Variants in TRPC4 observed in about 807,000 individuals in gnomAD.
The protein encoded by TRPC4 is transient receptor potential cation channel subfamily C member 4.
Under a neutral mutation model 99.4 loss-of-function variants are expected in TRPC4, and 49 were observed. The observed-to-expected ratio is 0.49, with a 90% CI of 0.39 to 0.63. The LOEUF (loss-of-function observed/expected upper bound fraction) is 0.63, where lower values mean the gene tolerates loss of function less well. TRPC4 is among the 20% of genes least tolerant of loss of function. The probability of loss-of-function intolerance (pLI) is 0.00; values close to 1 mark genes in which losing one functional copy is unlikely to be tolerated. For missense variants in TRPC4, 898 were observed against 1,152.9 expected (o/e 0.78, Z 3.20); for synonymous variants, 454 against 425.9 (o/e 1.07, Z -0.81).
chr13:37,821,129 C>T (rs1268046135), intron 1 of TRPC4, among the ~76,000 whole-genome samples: 1 of 148,488 alleles, frequency 6.7e-6, no homozygotes, highest in East Asian at 2.1e-4. Context: ...AATAGCATTC[C>T]TATACACAAG....
At chr13:37,721,554 G>C (rs561933214) in intron 3 of TRPC4, among the ~76,000 whole-genome samples, 1 of 152,210 alleles carries the variant, frequency 6.6e-6, no homozygotes, top group African/African-American at 2.4e-5. Context: ...TTAGAATGAG[G>C]AGCCAATCAG....
chr13:37,836,048 A>G (rs1296257266), intron 1 of TRPC4, among the ~76,000 whole-genome samples: 1 of 152,076 alleles, frequency 6.6e-6, no homozygotes, highest in Non-Finnish European at 1.5e-5. Flanking sequence ...ATAAGTCTCA[A>G]GAGATCTGAT....
intron 7 of TRPC4, among the ~76,000 whole-genome samples, chr13:37,651,694 C>T (rs1368854476): frequency 6.6e-6 from 1 of 152,170 alleles, no homozygotes; most frequent in Admixed American, 6.5e-5. Context: ...GTGAAACAGA[C>T]ATCTAAAATA....
At chr13:37,863,841 A>G (rs1165843300) in intron 1 of TRPC4, among the ~76,000 whole-genome samples, 3 of 151,652 alleles carry the variant, frequency 2.0e-5, no homozygotes, top group Non-Finnish European at 4.4e-5. Flanking sequence ...ATGACAGACC[A>G]ATTCAATCAT....
At chr13:37,637,704 C>G in intron 10 of TRPC4, 79 bp from the exon 11 acceptor site, 1 of 1,382,592 alleles carries the variant, frequency 7.2e-7, no homozygotes, top group Non-Finnish European at 9.8e-7. Flanking sequence ...ATATATGGGT[C>G]AGAAATGTTT....
intron 1 of TRPC4, among the ~76,000 whole-genome samples, chr13:37,850,195 G>C (rs1013303815): frequency 2.6e-5 from 4 of 152,044 alleles, no homozygotes; most frequent in African/African-American, 9.7e-5. Flanking sequence ...TTTTATAATG[G>C]ACATGAAATA....
rs150693000 is a variant in TRPC4 at position 37,745,642 on chromosome 13, T to A, written c.897+295A>T. Among the ~76,000 whole-genome samples, 674 of 151,332 alleles carry A rather than the reference T, an allele frequency of 4.5e-3. 6 individuals carry two copies. Among genetic ancestry groups the A allele is most frequent in the African/African-American group, 0.016 (647 of 41,242 alleles). On this transcript the variant is annotated intron_variant, in intron 3 of 10. Transcript: ENST00000379705. ...TGACCCCCTAAAGTTACAAGACTTATAAATAGCAGAGCCAGAAATCTCAGT... is the reference window on the plus strand; with the variant it reads ...TGACCCCCTAAAGTTACAAGACTTAAAAATAGCAGAGCCAGAAATCTCAGT...
chr13:37,753,593 GAGAGAGAGAGAGAGAA>G (rs1415317975), intron 2 of TRPC4, among the ~76,000 whole-genome samples: 3 of 139,152 alleles, frequency 2.2e-5, no homozygotes, highest in South Asian at 2.5e-4. Flanking sequence ...GAGAGAGAGA[GAGAGAGAGAGAGAGAA>G]AGAAAGAAAG....
chr13:37,838,951 G>A (rs1227300658), intron 1 of TRPC4, among the ~76,000 whole-genome samples: 1 of 152,072 alleles, frequency 6.6e-6, no homozygotes, highest in African/African-American at 2.4e-5. Flanking sequence ...ATCTACCAAG[G>A]TGACACAGCT....
Position 37,783,299 on chromosome 13 carries a change from G to A in TRPC4, c.35C>T (p.Ala12Val), listed in dbSNP as rs1052114049. ...AQFYYKRNVNAPYRDRIPLRI... is the reference protein window; with the variant it reads ...AQFYYKRNVNVPYRDRIPLRI... ...TAGAGGGATGCGGTCTCTATAGGGA[G>A]CATTAACATTTCTTTTGTAATAGAA... Residue 12 changes from alanine (A) to valine (V), a missense_variant, in exon 2 of 11, where the codon GCT becomes GTT. By Grantham distance (64) the Ala-to-Val change is moderately conservative. Transcript: ENST00000379705. The A allele has an allele frequency of 1.3e-6, 2 of 1,587,230 alleles. No individual in the cohort carries two copies. The highest frequency in any genetic ancestry group is 1.7e-6 in the Non-Finnish European group (2 of 1,169,120).
At chr13:37,779,405 G>A (rs556358273) in intron 2 of TRPC4, among the ~76,000 whole-genome samples, 2 of 150,880 alleles carry the variant, frequency 1.3e-5, no homozygotes, top group African/African-American at 4.9e-5. Context: ...AAAGAAATAA[G>A]CTATTACTCT....
chr13:37,662,025 GA>G, intron 6 of TRPC4, among the ~76,000 whole-genome samples: 1 of 152,050 alleles, frequency 6.6e-6, no homozygotes, highest in African/African-American at 2.4e-5. Flanking sequence ...GAAGGAGCTG[GA>G]AGGCCGGCGA....
At chr13:37,783,502 T>A in intron 1 of TRPC4, 142 bp from the exon 2 acceptor site, 1 of 522,538 alleles carries the variant, frequency 1.9e-6, no homozygotes, top group Non-Finnish European at 3.0e-6. Flanking sequence ...TTTTTTTTTT[T>A]CTTCAACAAT....
chr13:37,654,755 C>T (rs540224923), intron 7 of TRPC4, among the ~76,000 whole-genome samples: 50 of 152,090 alleles, frequency 3.3e-4, no homozygotes, highest in Middle Eastern at 3.4e-3. Context: ...TTAAATGGAC[C>T]GACAGGAGGC....
At chr13:37,796,984 T>TAA (rs1173828244) in intron 1 of TRPC4, among the ~76,000 whole-genome samples, 1 of 148,542 alleles carries the variant, frequency 6.7e-6, no homozygotes, top group South Asian at 2.1e-4. Context: ...TAAAGTAAAG[T>TAA]AAAGTAAAGT....
In TRPC4 at chr13:37,668,073, T is replaced by C. The variant is rs1403888658; in HGVS notation, c.1375-4344A>G. ...ACCCCGACTGCAGATGCATGGACAT[T>C]AGGATCCTGCTGATCAGAGCTGACA... On this transcript the variant is annotated intron_variant, in intron 5 of 10. Coordinates refer to ENST00000379705, the MANE Select transcript of TRPC4 (RefSeq NM_016179.4). 2.6e-5 allele frequency among the ~76,000 whole-genome samples: 4 copies of C among 152,188 alleles called. 1 individual carries two copies. The highest frequency in any genetic ancestry group is 2.6e-4 in the Admixed American group (4 of 15,282).
intron 5 of TRPC4, among the ~76,000 whole-genome samples, chr13:37,665,966 C>T (rs981406332): frequency 6.6e-6 from 1 of 151,376 alleles, no homozygotes; most frequent in Non-Finnish European, 1.5e-5. Flanking sequence ...GGAAAAAATG[C>T]TGCATGAATA....
chr13:37,759,464 C>A (rs747697302), intron 2 of TRPC4, among the ~76,000 whole-genome samples: 4 of 151,688 alleles, frequency 2.6e-5, no homozygotes, highest in East Asian at 1.9e-4. Flanking sequence ...AAAAAATAAG[C>A]TACTAAACTA....
At chr13:37,843,260 C>T (rs1332676546) in intron 1 of TRPC4, among the ~76,000 whole-genome samples, 1 of 152,174 alleles carries the variant, frequency 6.6e-6, no homozygotes, top group Admixed American at 6.5e-5. Flanking sequence ...AATCATTCAG[C>T]ATAGGGCCAA....
Sources: gnomAD v4.1 joint callset for allele counts (sites outside exome capture counted in the v4.1 genomes callset) on GRCh38, gnomAD v4.1.1 for gene constraint, MANE v1.5 for transcripts, NCBI Gene and HGNC (gene_info 2026-07-23, HGNC 2026-07-21) for gene names.